Variants in EXOC6 observed in about 807,000 individuals in gnomAD.
EXOC6 encodes SEC15-like 1.
Under a neutral mutation model 112.5 loss-of-function variants are expected in EXOC6, and 60 were observed. The ratio of observed to expected loss-of-function variants is 0.53; its 90% CI spans 0.43 to 0.66. The LOEUF (loss-of-function observed/expected upper bound fraction) is 0.66, where lower values mean the gene tolerates loss of function less well. EXOC6 is among the 30% of genes least tolerant of loss of function. EXOC6 has a pLI of 0.00. For missense variants in EXOC6, 855 were observed against 957.1 expected, an observed-to-expected ratio of 0.89 and a Z score of 1.41; for synonymous variants, 295 against 308.0, an observed-to-expected ratio of 0.96 and a Z score of 0.44.
rs1850617101 is a variant in EXOC6, at chr10:92,909,425, A to T, written c.459-2A>T. On this transcript the variant is annotated splice_acceptor_variant, in intron 5 of 21. Transcript: ENST00000260762. LOFTEE classifies it high-confidence loss of function. ...AGAGTTTTCTTTTTTAACTTCTCACAGGTACTATTCTGCCCTAAAAACTAT... is the reference window on the plus strand; with the variant it reads ...AGAGTTTTCTTTTTTAACTTCTCACTGGTACTATTCTGCCCTAAAAACTAT... 6.3e-7 allele frequency: 1 copy of T among 1,583,560 alleles called. No homozygotes were observed. Among genetic ancestry groups the T allele is most frequent in the Non-Finnish European group, 8.6e-7 (1 of 1,168,202 alleles).
At chr10:92,829,262 C>A (rs1846433866) in intron 1 of EXOC6, among the ~76,000 whole-genome samples, 1 of 152,142 alleles carries the variant, frequency 6.6e-6, no homozygotes, top group African/African-American at 2.4e-5. Context: ...ACTGGTCCAG[C>A]CAATCTGTGC....
At chr10:92,926,575 C>T (rs1201885263) in intron 8 of EXOC6, among the ~76,000 whole-genome samples, 1 of 151,708 alleles carries the variant, frequency 6.6e-6, no homozygotes, top group Non-Finnish European at 1.5e-5. Flanking sequence ...ACTCTGTTGC[C>T]CCAACTGGAG....
chr10:93,001,748 A>C (rs1843766176), intron 19 of EXOC6, among the ~76,000 whole-genome samples: 2 of 152,186 alleles, frequency 1.3e-5, no homozygotes. Flanking sequence ...CTATATCTGA[A>C]GTTTGGCTTA....
chr10:93,014,407 T>C, intron 20 of EXOC6, 140 bp downstream of exon 20: 1 of 663,400 alleles, frequency 1.5e-6, no homozygotes, highest in Non-Finnish European at 2.7e-6. Context: ...TTGGTAACTA[T>C]GTATTTGGCA....
At chr10:93,015,800 G>A (rs1844484306) in intron 20 of EXOC6, among the ~76,000 whole-genome samples, 1 of 151,902 alleles carries the variant, frequency 6.6e-6, no homozygotes, top group Non-Finnish European at 1.5e-5. Flanking sequence ...TTTAGAAGGA[G>A]ACTGAAAAAG....
intron 8 of EXOC6, among the ~76,000 whole-genome samples, chr10:92,920,344 T>C (rs1851358940): frequency 6.6e-6 from 1 of 152,194 alleles, no homozygotes; most frequent in African/African-American, 2.4e-5. Context: ...ACATGTGTAT[T>C]CCATACTACA....
intron 1 of EXOC6, among the ~76,000 whole-genome samples, chr10:92,892,136 G>GT (rs1289792109): frequency 6.6e-6 from 1 of 152,106 alleles, no homozygotes; most frequent in Non-Finnish European, 1.5e-5. Flanking sequence ...CCACTCTCAG[G>GT]TTCAAAAATT....
intron 8 of EXOC6, among the ~76,000 whole-genome samples, chr10:92,921,394 G>A (rs1206035569): frequency 1.3e-5 from 2 of 151,544 alleles, no homozygotes; most frequent in Admixed American, 6.6e-5. Flanking sequence ...ACAGGCACCC[G>A]CCACCATGGC....
intron 18 of EXOC6, among the ~76,000 whole-genome samples, chr10:92,996,623 A>C (rs1305287100): frequency 6.8e-6 from 1 of 148,124 alleles, no homozygotes; most frequent in Non-Finnish European, 1.5e-5. Flanking sequence ...AAAAAAAATT[A>C]ATTTACACTA....
intron 8 of EXOC6, 68 bp downstream of exon 8, chr10:92,920,118 C>A: frequency 3.1e-6 from 3 of 981,864 alleles, no homozygotes; most frequent in East Asian, 2.8e-5. Context: ...GTATTTTAGG[C>A]CCTAAAAATT....
In EXOC6 at chr10:93,046,364, A is replaced by C. The variant is rs1237982218; in HGVS notation, c.2170-10560A>C. Among the ~76,000 whole-genome samples, 26 of 152,226 alleles carry C rather than the reference A, an allele frequency of 1.7e-4. 1 individual carries two copies. The highest frequency in any genetic ancestry group is 1.7e-3 in the Admixed American group (26 of 15,280). ...TTGGTGGATACACAAACTAACCTCT[A>C]ATGTCAATATACTGTGAAAAACACT... is the stretch of plus-strand genomic sequence containing the variant. On this transcript the variant is annotated intron_variant, in intron 20 of 21. Coordinates refer to ENST00000260762, the MANE Select transcript of EXOC6 (RefSeq NM_019053.6).
chr10:92,949,938 A>G (rs1328227153), intron 14 of EXOC6, among the ~76,000 whole-genome samples: 2 of 152,132 alleles, frequency 1.3e-5, no homozygotes, highest in Admixed American at 1.3e-4. Context: ...CTGTGTGGGC[A>G]TTTGTGCCTC....
intron 15 of EXOC6, among the ~76,000 whole-genome samples, chr10:92,952,809 A>G (rs1853492873): frequency 6.6e-6 from 1 of 152,172 alleles, no homozygotes; most frequent in Non-Finnish European, 1.5e-5. Flanking sequence ...GTAGTATTCC[A>G]TGGTGTTTAT....
chr10:92,909,484 T>G lies in EXOC6; in HGVS notation c.516T>G (p.Val172=), dbSNP rs763432310. The part of the protein sequence containing the change: ...EQLENVYFPW[V]SQYRFCQLMI... ...TAGAGAATGTGTACTTTCCCTGGGT[T>G]AGTCAATACCGGTTTTGTCAGCTCA... The change falls in exon 6 of 22, where the codon GTT becomes GTG. Residue 172 remains valine (V), a synonymous_variant. Coordinates refer to ENST00000260762, the MANE Select transcript of EXOC6 (RefSeq NM_019053.6). The G allele has an allele frequency of 1.2e-6, 2 of 1,613,570 alleles. No individual in the cohort carries two copies. Among genetic ancestry groups the G allele is most frequent in the Admixed American group, 1.7e-5 (1 of 59,988 alleles).
At chr10:92,982,259 T>TA (rs1842853804) in intron 18 of EXOC6, among the ~76,000 whole-genome samples, 5 of 152,162 alleles carry the variant, frequency 3.3e-5, no homozygotes, top group South Asian at 2.1e-4. Context: ...AGCTGTCCAT[T>TA]AAAAAAAATC....
chr10:92,982,130 A>G lies in EXOC6; in HGVS notation c.1953+7898A>G, dbSNP rs187179871. ...GACTCCGTCTCAAAAAAAACCAAACAAAAAAACCAGACATGATCTTTAGTA... is the reference window on the plus strand; with the variant it reads ...GACTCCGTCTCAAAAAAAACCAAACGAAAAAACCAGACATGATCTTTAGTA... On this transcript the variant is annotated intron_variant, in intron 18 of 21. Transcript: ENST00000260762. Among the ~76,000 whole-genome samples the G allele has an allele frequency of 5.2e-4, 79 of 152,206 alleles. 1 individual carries two copies. The highest frequency in any genetic ancestry group is 5.1e-3 in the Admixed American group (78 of 15,282).
chr10:92,928,831 A>G (rs978498457), intron 9 of EXOC6, among the ~76,000 whole-genome samples: 3 of 152,222 alleles, frequency 2.0e-5, no homozygotes, highest in African/African-American at 7.2e-5. Context: ...GAACTGTTCT[A>G]TATATTGGTT....
intron 20 of EXOC6, among the ~76,000 whole-genome samples, chr10:93,015,666 G>A (rs1844476798): frequency 6.6e-6 from 1 of 152,132 alleles, no homozygotes; most frequent in Admixed American, 6.5e-5. Context: ...ATGGCAGGTG[G>A]AGTTTGCAGT....
chr10:92,919,889 C>G, intron 7 of EXOC6, 93 bp from the exon 8 acceptor site: 3 of 706,734 alleles, frequency 4.2e-6, no homozygotes, highest in Non-Finnish European at 6.8e-6. Context: ...ACACAAAGTT[C>G]ATGAATCTTC....
Sources: allele counts gnomAD v4.1 joint callset (sites outside exome capture counted in the v4.1 genomes callset), GRCh38; gene constraint gnomAD v4.1.1; transcripts MANE v1.5; gene names NCBI Gene and HGNC (gene_info 2026-07-23, HGNC 2026-07-21).